CLEC4A: variants seen among roughly 807,000 people sequenced by gnomAD.
The protein encoded by CLEC4A is C-type lectin domain family 4 member A.
CLEC4A carries 27 observed loss-of-function variants against 32.7 expected under a neutral mutation model. The observed-to-expected ratio is 0.83, with a 90% confidence interval of 0.61 to 1.14. The LOEUF is 1.14. CLEC4A is among the 50% of genes most tolerant of loss of function. The pLI is 0.00. For missense variants in CLEC4A, 253 were observed against 274.6 expected (o/e 0.92, Z 0.55); for synonymous variants, 89 against 93.7 (o/e 0.95, Z 0.29).
the CLEC4A span, among the ~76,000 whole-genome samples, chr12:8,111,513 G>A: frequency 7.2e-5 from 11 of 152,258 alleles, no homozygotes; most frequent in East Asian, 1.5e-3. Flanking sequence ...CTCTCTCTGT[G>A]TGTATCTGCC....
chr12:8,128,579 T>G (rs1947939973), intron 2 of CLEC4A, among the ~76,000 whole-genome samples: 1 of 152,066 alleles, frequency 6.6e-6, no homozygotes, highest in African/African-American at 2.4e-5. Flanking sequence ...CCCAGCTGAT[T>G]TTTGTACTTT....
intron 2 of CLEC4A, among the ~76,000 whole-genome samples, chr12:8,126,515 T>C (rs1302696686): frequency 6.6e-5 from 10 of 152,022 alleles, no homozygotes; most frequent in Non-Finnish European, 1.3e-4. Flanking sequence ...TCACTACGCC[T>C]GGCTCAAAAT....
chr12:8,128,316 A>C (rs751414254), intron 2 of CLEC4A, among the ~76,000 whole-genome samples: 133 of 152,222 alleles, frequency 8.7e-4, no homozygotes, highest in African/African-American at 3.1e-3. Context: ...GATCCACTTT[A>C]GGGATGGTTT....
At chr12:8,105,033 A>G in the CLEC4A span, among the ~76,000 whole-genome samples, 5 of 152,218 alleles carry the variant, frequency 3.3e-5, no homozygotes, top group Non-Finnish European at 5.9e-5. Flanking sequence ...GCTTCAGTGA[A>G]CATACGTATG....
chr12:8,134,811 G>T, intron 3 of CLEC4A: 1 of 1,552,342 alleles, frequency 6.4e-7, no homozygotes. Context: ...ACCGCCTGGA[G>T]GGGGTGAGAA....
At chr12:8,109,860 C>T in the CLEC4A span, among the ~76,000 whole-genome samples, 29 of 152,200 alleles carry the variant, frequency 1.9e-4, no homozygotes, top group African/African-American at 7.0e-4. Flanking sequence ...GGCGAAATGA[C>T]AGGAGTTCTT....
At chr12:8,103,373 GTTGTTTTTTTTTTT>G in the CLEC4A span, among the ~76,000 whole-genome samples, 43 of 78,036 alleles carry the variant, frequency 5.5e-4, 5 homozygotes, top group Admixed American at 6.5e-4. Context: ...GTTTCTTTCT[GTTGTTTTTTTTTTT>G]TTTTTTTTTT....
In CLEC4A at chr12:8,123,980, G is replaced by A; in HGVS notation, c.82+20G>A. 1 of 1,498,754 alleles carries A rather than the reference G, an allele frequency of 6.7e-7. No homozygotes were observed. The allele number at this position is 1,498,754 out of a possible 1,614,324, so 92.8% of individuals were successfully genotyped here. A position where few individuals can be genotyped will look rare whatever the true frequency, so the allele number is the denominator to read the frequency against. On this transcript the variant is annotated intron_variant, in intron 1 of 5. Coordinates refer to ENST00000229332, the MANE Select transcript of CLEC4A (RefSeq NM_016184.4). ...CTGCAGGTAAAGATCATTTTCTAGGGGTCAGAGTGAATGACGAGGTGAAGG... is the reference window on the plus strand; with the variant it reads ...CTGCAGGTAAAGATCATTTTCTAGGAGTCAGAGTGAATGACGAGGTGAAGG...
At chr12:8,132,774 A>G (rs903764274) in intron 3 of CLEC4A, among the ~76,000 whole-genome samples, 2 of 152,180 alleles carry the variant, frequency 1.3e-5, no homozygotes, top group Non-Finnish European at 2.9e-5. Flanking sequence ...TTCCTCTTTC[A>G]ATTGTATCAG....
At chr12:8,109,836 T>C in the CLEC4A span, among the ~76,000 whole-genome samples, 1 of 152,108 alleles carries the variant, frequency 6.6e-6, no homozygotes, top group Non-Finnish European at 1.5e-5. Context: ...AGGTGTGTAA[T>C]GGGATGGTGT....
chr12:8,130,709 T>A (rs1277085154), intron 3 of CLEC4A, among the ~76,000 whole-genome samples: 2 of 152,168 alleles, frequency 1.3e-5, no homozygotes, highest in Non-Finnish European at 2.9e-5. Context: ...CAGTTTTATA[T>A]TTACAGAAAA....
intron 3 of CLEC4A, among the ~76,000 whole-genome samples, chr12:8,130,830 T>G (rs1256801203): frequency 1.3e-5 from 2 of 152,222 alleles, no homozygotes; most frequent in Non-Finnish European, 2.9e-5. Flanking sequence ...ACTAATCAAC[T>G]AATATTGGTA....
chr12:8,112,099 G>C, the CLEC4A span, among the ~76,000 whole-genome samples: 1 of 152,072 alleles, frequency 6.6e-6, no homozygotes, highest in Admixed American at 6.6e-5. Context: ...CTCCTGAGTA[G>C]CTGGGATTAC....
intron 2 of CLEC4A, among the ~76,000 whole-genome samples, chr12:8,127,169 A>T (rs1947915077): frequency 6.6e-6 from 1 of 152,262 alleles, no homozygotes; most frequent in Admixed American, 6.5e-5. Flanking sequence ...TACTGGCCAC[A>T]GGCAACTTAG....
chr12:8,103,168 A>G, the CLEC4A span, among the ~76,000 whole-genome samples: 2 of 151,990 alleles, frequency 1.3e-5, no homozygotes, highest in African/African-American at 4.8e-5. Context: ...TTTTAGTTCT[A>G]ATTCAGCTTA....
chr12:8,135,767 C>T, intron 4 of CLEC4A, 31 bp downstream of exon 4: 1 of 1,607,734 alleles, frequency 6.2e-7, no homozygotes. Flanking sequence ...GGGCTGTGAG[C>T]CCTGCCTGAT....
chr12:8,128,772 A>G (rs1038745316), intron 2 of CLEC4A, among the ~76,000 whole-genome samples: 1 of 152,196 alleles, frequency 6.6e-6, no homozygotes, highest in Non-Finnish European at 1.5e-5. Context: ...TGTGCTGAGG[A>G]GTAAGAGCCA....
At chr12:8,130,027 A>T (rs1947970289) in intron 3 of CLEC4A, among the ~76,000 whole-genome samples, 2 of 152,016 alleles carry the variant, frequency 1.3e-5, no homozygotes, top group African/African-American at 4.8e-5. Flanking sequence ...GTAGAGATGG[A>T]GTTTCACCAT....
chr12:8,103,380 T>G, the CLEC4A span, among the ~76,000 whole-genome samples: 1 of 99,360 alleles, frequency 1.0e-5, no homozygotes, highest in Non-Finnish European at 2.1e-5. Flanking sequence ...TCTGTTGTTT[T>G]TTTTTTTTTT....
Sources: allele counts gnomAD v4.1 joint callset (sites outside exome capture counted in the v4.1 genomes callset), GRCh38; gene constraint gnomAD v4.1.1; transcripts MANE v1.5; gene names NCBI Gene and HGNC (gene_info 2026-07-23, HGNC 2026-07-21).